Variants in RFX3 observed in about 807,000 individuals in gnomAD.
The protein encoded by RFX3 is transcription factor RFX3.
RFX3 carries 14 observed loss-of-function variants against 98.6 expected under a neutral mutation model. That is an observed-to-expected ratio of 0.14 (90% confidence interval 0.09 to 0.22). The LOEUF (loss-of-function observed/expected upper bound fraction) is 0.22. Ranked by LOEUF, RFX3 falls within the 10% of genes least tolerant of loss-of-function variation. The probability of loss-of-function intolerance (pLI) is 1.00; values close to 1 mark genes in which losing one functional copy is unlikely to be tolerated. For synonymous variants in RFX3, 383 were observed against 328.4 expected (o/e 1.17, Z -1.80); for missense variants, 639 against 926.9 (o/e 0.69, Z 4.03).
chr9:3,403,866 C>G (rs1461706114), intron 1 of RFX3, among the ~76,000 whole-genome samples: 2 of 152,060 alleles, frequency 1.3e-5, no homozygotes. Context: ...GGAGTGACAG[C>G]CAGAACAGAA....
At chr9:3,293,349 T>A (rs1165741372) in intron 5 of RFX3, 91 bp from the exon 6 acceptor site, 2 of 901,696 alleles carry the variant, frequency 2.2e-6, no homozygotes, top group South Asian at 1.9e-5. Flanking sequence ...CAGAAATACT[T>A]AGAAGTTCTT....
intron 15 of RFX3, among the ~76,000 whole-genome samples, chr9:3,234,642 AC>A (rs1167290980): frequency 3.3e-5 from 5 of 151,284 alleles, no homozygotes; most frequent in African/African-American, 1.2e-4. Context: ...CAGTCTCAAA[AC>A]AAACAAACAA....
chr9:3,248,022 C>T lies in RFX3; in HGVS notation c.1968+10G>A, dbSNP rs1225582589. On this transcript the variant is annotated intron_variant, in intron 15 of 16. Coordinates refer to ENST00000617270, the MANE Select transcript of RFX3 (RefSeq NM_001282116.2). Reference sequence around the variant, plus strand: ...ACCCAGTGGGTCACAGCTCTTTCAGCCTCTCTTACCTCGCCCATGACTGCT... The same window carrying T: ...ACCCAGTGGGTCACAGCTCTTTCAGTCTCTCTTACCTCGCCCATGACTGCT... The T allele has an allele frequency of 6.2e-7, 1 of 1,613,918 alleles. No individual in the cohort carries two copies. The highest frequency in any genetic ancestry group is 1.3e-5 in the African/African-American group (1 of 74,922).
chr9:3,260,796 G>C (rs567119805), intron 13 of RFX3, among the ~76,000 whole-genome samples: 7 of 150,870 alleles, frequency 4.6e-5, no homozygotes, highest in Non-Finnish European at 1.0e-4. Context: ...ATGTGTGTAT[G>C]TGTTTTTCTA....
chr9:3,303,563 T>G (rs1289639540), intron 4 of RFX3, among the ~76,000 whole-genome samples: 1 of 151,888 alleles, frequency 6.6e-6, no homozygotes, highest in African/African-American at 2.4e-5. Context: ...ACATAATTGC[T>G]GAGCAACACT....
intron 1 of RFX3, among the ~76,000 whole-genome samples, chr9:3,483,228 C>T (rs1201231150): frequency 7.9e-5 from 12 of 152,090 alleles, no homozygotes; most frequent in Admixed American, 7.9e-4. Context: ...TGTTTAGGGT[C>T]ATTTTAGTTG....
In RFX3 at chr9:3,225,072, G is replaced by C; in HGVS notation, c.2220C>G (p.Ser740Arg). Residue 740 changes from serine to arginine, a missense_variant, in exon 17 of 17, where the codon AGC (serine) becomes AGG (arginine). Coordinates refer to ENST00000617270, the MANE Select transcript of RFX3 (RefSeq NM_001282116.2). The part of the protein sequence containing the change: ...VTSTQTIRQC[S>R]ATGNTYTAV ...CTGCAGTGTAGGTATTTCCTGTAGC[G>C]CTGCACTGTCTGATAGTCTGAGTAC... 6.2e-7 allele frequency: 1 copy of C among 1,613,890 alleles called. No homozygotes were observed. Among genetic ancestry groups the C allele is most frequent in the East Asian group, 2.2e-5 (1 of 44,876 alleles).
chr9:3,329,517 A>T (rs887491401), intron 4 of RFX3, among the ~76,000 whole-genome samples: 1 of 151,884 alleles, frequency 6.6e-6, no homozygotes, highest in African/African-American at 2.4e-5. Context: ...CTGTTTGCTC[A>T]TATCTATGAT....
chr9:3,240,627 C>T (rs1232646520), intron 15 of RFX3, among the ~76,000 whole-genome samples: 1 of 152,124 alleles, frequency 6.6e-6, no homozygotes, highest in Non-Finnish European at 1.5e-5. Flanking sequence ...CAGAGAATCT[C>T]TAATTTTTAT....
In RFX3 at chr9:3,221,147, T is replaced by G. The variant is rs565079906; in HGVS notation, c.*3895A>C. On this transcript the variant is annotated 3_prime_UTR_variant, in exon 17 of 17. Transcript: ENST00000617270. ...ACTTGCCAAGTTTTTTCTTTCTACT[T>G]GTGTCCACACAGGGAGGACCAACAT... 4.6e-5 allele frequency: 7 copies of G among 152,280 alleles called. No individual in the cohort carries two copies. The highest frequency in any genetic ancestry group is 1.5e-5 in the Non-Finnish European group (1 of 68,008). 9.4% of individuals were successfully genotyped at this position (152,280 alleles called of 1,614,324 possible).
chr9:3,493,094 G>A (rs1850840319), intron 1 of RFX3, among the ~76,000 whole-genome samples: 1 of 152,082 alleles, frequency 6.6e-6, no homozygotes, highest in African/African-American at 2.4e-5. Flanking sequence ...CTAGCATGGT[G>A]CCAGGCATCT....
chr9:3,225,316 G>A, intron 16 of RFX3, 36 bp from the exon 17 acceptor site: 1 of 1,604,596 alleles, frequency 6.2e-7, no homozygotes. Flanking sequence ...TATCATCGAA[G>A]ACAAATTAGA....
chr9:3,495,620 C>T (rs994318449), intron 1 of RFX3, among the ~76,000 whole-genome samples: 1 of 152,006 alleles, frequency 6.6e-6, no homozygotes. Flanking sequence ...ACTGTATCTG[C>T]GTAACTATAT....
chr9:3,453,835 C>T (rs991629159), intron 1 of RFX3: 3 of 151,626 alleles, frequency 2.0e-5, no homozygotes, highest in Non-Finnish European at 4.4e-5. Context: ...TGGCATTATC[C>T]CAGAAGATGG....
intron 1 of RFX3, among the ~76,000 whole-genome samples, chr9:3,481,593 C>T (rs1204038664): frequency 1.3e-5 from 2 of 150,834 alleles, no homozygotes; most frequent in East Asian, 1.9e-4. Context: ...AAAAAAATTA[C>T]ATACAAAAAT....
intron 1 of RFX3, among the ~76,000 whole-genome samples, chr9:3,501,730 T>C (rs1206784021): frequency 6.6e-6 from 1 of 151,600 alleles, no homozygotes; most frequent in Non-Finnish European, 1.5e-5. Flanking sequence ...GCTAATTTTG[T>C]ATTTTTAGTA....
At chr9:3,497,628 T>C (rs80274940) in intron 1 of RFX3, among the ~76,000 whole-genome samples, 2,695 of 151,998 alleles carry the variant, frequency 0.018, 97 homozygotes, top group African/African-American at 0.061. Context: ...GAAATGCCAC[T>C]GTGGACAAAC....
intron 9 of RFX3, among the ~76,000 whole-genome samples, chr9:3,274,435 C>T (rs1824930692): frequency 6.6e-6 from 1 of 152,118 alleles, no homozygotes. Context: ...CTCAAGAAAA[C>T]TCTTACTATA....
chr9:3,288,929 T>C (rs1326614247), intron 6 of RFX3, among the ~76,000 whole-genome samples: 1 of 152,050 alleles, frequency 6.6e-6, no homozygotes, highest in Non-Finnish European at 1.5e-5. Context: ...ACAGAAGAGA[T>C]GGGGAAATTT....
Sources: allele counts gnomAD v4.1 joint callset (sites outside exome capture counted in the v4.1 genomes callset), GRCh38; gene constraint gnomAD v4.1.1; transcripts MANE v1.5; gene names NCBI Gene and HGNC (gene_info 2026-07-23, HGNC 2026-07-21).